Variants in CACNA2D3 observed in about 807,000 individuals in gnomAD.
CACNA2D3 encodes calcium voltage-gated channel auxiliary subunit alpha2delta 3.
Under a neutral mutation model 160.6 loss-of-function variants are expected in CACNA2D3, and 60 were observed. That is an observed-to-expected ratio of 0.37 (90% CI 0.30 to 0.46). The LOEUF (loss-of-function observed/expected upper bound fraction) is 0.46. Ranked by LOEUF, CACNA2D3 falls within the 20% of genes least tolerant of loss-of-function variation. The pLI, the probability that CACNA2D3 is intolerant of heterozygous loss-of-function variation, is 1.00. For missense variants in CACNA2D3, 1,205 were observed against 1,365.0 expected (o/e 0.88, Z 1.85); for synonymous variants, 558 against 492.9 (o/e 1.13, Z -1.75).
intron 12 of CACNA2D3, among the ~76,000 whole-genome samples, chr3:54,761,569 A>G (rs1045074059): frequency 2.6e-5 from 4 of 152,196 alleles, no homozygotes; most frequent in African/African-American, 9.6e-5. Context: ...ACCATCTAGG[A>G]GCATTGCTAG....
chr3:54,953,769 A>T (rs1174399247), intron 27 of CACNA2D3, among the ~76,000 whole-genome samples: 3 of 152,050 alleles, frequency 2.0e-5, no homozygotes, highest in Non-Finnish European at 4.4e-5. Context: ...AGGCTGTGGG[A>T]ATCACTGGGA....
intron 35 of CACNA2D3, among the ~76,000 whole-genome samples, chr3:55,044,109 A>C (rs1258153682): frequency 1.3e-5 from 2 of 152,198 alleles, no homozygotes; most frequent in Non-Finnish European, 2.9e-5. Flanking sequence ...TTTCCATGTA[A>C]ATTTTAAAAT....
chr3:55,012,041 C>G (rs1321605049), intron 34 of CACNA2D3, among the ~76,000 whole-genome samples: 3 of 152,226 alleles, frequency 2.0e-5, no homozygotes, highest in Non-Finnish European at 2.9e-5. Context: ...CCCTCTCCCT[C>G]TGAATCAGAC....
chr3:54,831,499 TCCC>T (rs1308607400), intron 14 of CACNA2D3, among the ~76,000 whole-genome samples: 2 of 152,192 alleles, frequency 1.3e-5, no homozygotes, highest in Non-Finnish European at 2.9e-5. Flanking sequence ...CCACAGCTGC[TCCC>T]CACCATGGGC....
At chr3:54,462,529 A>T (rs990216920) in intron 4 of CACNA2D3, among the ~76,000 whole-genome samples, 1 of 152,192 alleles carries the variant, frequency 6.6e-6, no homozygotes, top group Non-Finnish European at 1.5e-5. Context: ...CCATTATGCA[A>T]TGGCCTTCTT....
chr3:54,673,793 T>C (rs1295014283), intron 11 of CACNA2D3, among the ~76,000 whole-genome samples: 1 of 152,220 alleles, frequency 6.6e-6, no homozygotes, highest in Non-Finnish European at 1.5e-5. Flanking sequence ...AAAAAGCTTC[T>C]TTCTCAATAT....
chr3:54,799,426 A>G (rs1285800926), intron 13 of CACNA2D3, among the ~76,000 whole-genome samples: 1 of 152,170 alleles, frequency 6.6e-6, no homozygotes, highest in Non-Finnish European at 1.5e-5. Context: ...TCCAATGAAC[A>G]AAGTGTATGT....
intron 31 of CACNA2D3, among the ~76,000 whole-genome samples, chr3:55,000,886 T>A (rs1702966764): frequency 6.6e-6 from 1 of 152,148 alleles, no homozygotes; most frequent in South Asian, 2.1e-4. Flanking sequence ...GCCTAAGCAT[T>A]TCTTAGAATC....
At chr3:54,854,324 G>A (rs761785048) in intron 17 of CACNA2D3, among the ~76,000 whole-genome samples, 1 of 152,188 alleles carries the variant, frequency 6.6e-6, no homozygotes, top group Non-Finnish European at 1.5e-5. Context: ...TGAGGGCACC[G>A]TCCTCACTGC....
At chr3:54,915,041 G>A (rs933079915) in intron 27 of CACNA2D3, among the ~76,000 whole-genome samples, 1 of 152,186 alleles carries the variant, frequency 6.6e-6, no homozygotes, top group Admixed American at 6.5e-5. Context: ...CTCAAGCAAG[G>A]AGATTTGATT....
chr3:54,428,976 AGCCCAAGGAGGGTG>A (rs1433318835), intron 4 of CACNA2D3, among the ~76,000 whole-genome samples: 1 of 152,260 alleles, frequency 6.6e-6, no homozygotes, highest in Non-Finnish European at 1.5e-5. Flanking sequence ...TGCCTGTTGT[AGCCCAAGGAGGGTG>A]AATCTTTGGT....
intron 2 of CACNA2D3, among the ~76,000 whole-genome samples, chr3:54,179,948 G>T (rs999021912): frequency 1.3e-5 from 2 of 152,048 alleles, no homozygotes; most frequent in Non-Finnish European, 1.5e-5. Context: ...CTTCAGCAGG[G>T]TCTGTGGGTT....
At chr3:54,541,608 G>A (rs2106664369) in intron 5 of CACNA2D3, among the ~76,000 whole-genome samples, 1 of 152,294 alleles carries the variant, frequency 6.6e-6, no homozygotes, top group South Asian at 2.1e-4. Flanking sequence ...CACTTATTTA[G>A]ACATGCTACA....
Position 54,752,593 on chromosome 3 carries a change from C to T in CACNA2D3, c.1168-6C>T, listed in dbSNP as rs1701880538. The T allele has an allele frequency of 3.1e-6, 5 of 1,611,946 alleles. No individual in the cohort carries two copies. The highest frequency in any genetic ancestry group is 4.2e-6 in the Non-Finnish European group (5 of 1,178,694). On this transcript the variant is annotated splice_region_variant and splice_polypyrimidine_tract_variant and intron_variant, in intron 11 of 37. Coordinates refer to ENST00000474759, the MANE Select transcript of CACNA2D3 (RefSeq NM_018398.3). ...CCGCTCAGCCATGCGTTTGTCTTCC[C>T]TTCAGGTTCGCATCTTCACATACCT...
At chr3:54,485,762 C>T (rs141101504) in intron 4 of CACNA2D3, among the ~76,000 whole-genome samples, 3,102 of 152,088 alleles carry the variant, frequency 0.02, 87 homozygotes, top group East Asian at 0.11. Context: ...TGGGGTTTCA[C>T]CAGGTTGGCC....
intron 11 of CACNA2D3, among the ~76,000 whole-genome samples, chr3:54,686,100 C>T (rs1700444570): frequency 2.6e-5 from 4 of 152,220 alleles, no homozygotes; most frequent in African/African-American, 9.6e-5. Context: ...AGAGCAATCT[C>T]CCTATCTAGC....
intron 9 of CACNA2D3, among the ~76,000 whole-genome samples, chr3:54,582,255 G>C (rs1575359507): frequency 6.6e-6 from 1 of 152,130 alleles, no homozygotes; most frequent in Non-Finnish European, 1.5e-5. Context: ...ATGGTCACTG[G>C]GGTAACTGTT....
intron 2 of CACNA2D3, among the ~76,000 whole-genome samples, chr3:54,245,008 G>T (rs1702044003): frequency 6.6e-6 from 1 of 152,160 alleles, no homozygotes; most frequent in Non-Finnish European, 1.5e-5. Context: ...CTTAAAACGT[G>T]TTGGGTGGGT....
chr3:54,981,659 G>A (rs994293598), intron 29 of CACNA2D3, among the ~76,000 whole-genome samples: 2 of 152,192 alleles, frequency 1.3e-5, no homozygotes, highest in African/African-American at 2.4e-5. Context: ...GTAGTGACCG[G>A]GCTGGCTGGA....
Sources: gnomAD v4.1 joint callset for allele counts (sites outside exome capture counted in the v4.1 genomes callset) on GRCh38, gnomAD v4.1.1 for gene constraint, MANE v1.5 for transcripts, NCBI Gene and HGNC (gene_info 2026-07-23, HGNC 2026-07-21) for gene names.